PCDHGA2: variants seen among roughly 807,000 people sequenced by gnomAD.
PCDHGA2 encodes the protein protocadherin gamma-A2.
In PCDHGA2, 40 loss-of-function variants were observed where a neutral mutation model predicts 59.2. That is an observed-to-expected ratio of 0.68 (90% CI 0.52 to 0.88). The LOEUF is 0.88. Ranked by LOEUF, PCDHGA2 falls within the 40% of genes least tolerant of loss-of-function variation. PCDHGA2 has a pLI of 0.00. For synonymous variants in PCDHGA2, 560 were observed against 526.0 expected (o/e 1.06, Z -0.89); for missense variants, 1,226 against 1,204.0 (o/e 1.02, Z -0.27).
Position 141,432,530 on chromosome 5 carries a change from G to C in PCDHGA2, c.2425-62277G>C. On this transcript the variant is annotated intron_variant, in intron 1 of 3. Transcript: ENST00000394576. This position sits in a 1 kb window ranked among gnomAD's most constrained non-coding sequence, Gnocchi z 6.0. ...AGAGCCCGGCTACCTGGTGACCAAG[G>C]TGGTGGCGGTGGACAGAGACTCCGG... 6.2e-7 allele frequency: 1 copy of C among 1,614,076 alleles called. No homozygotes were observed. Among genetic ancestry groups the C allele is most frequent in the South Asian group, 1.1e-5 (1 of 91,082 alleles).
chr5:141,434,789 T>C (rs2097718008), intron 1 of PCDHGA2, among the ~76,000 whole-genome samples: 1 of 152,008 alleles, frequency 6.6e-6, no homozygotes, highest in African/African-American at 2.4e-5. Context: ...AAAAAATTTT[T>C]TTTTCTGAGC....
chr5:141,365,789 G>A (rs200109132), intron 1 of PCDHGA2: 1 of 1,613,778 alleles, frequency 6.2e-7, no homozygotes, highest in African/African-American at 1.3e-5. Flanking sequence ...CAACGCTCGA[G>A]TCACCTACTC....
rs1382855379 is a variant in PCDHGA2 at position 141,361,380 on chromosome 5, C to T, written c.2424+19985C>T. 6 of 1,613,850 alleles carry T rather than the reference C, an allele frequency of 3.7e-6. 1 individual carries two copies. In the African/African-American group the frequency reaches 4.0e-5, roughly 11 times the overall value. ...ACGGCGCTCTGGACCGGGAGGAGAT[C>T]CCAGAATACAATCTCACCATCACAG... On this transcript the variant is annotated intron_variant, in intron 1 of 3. Transcript: ENST00000394576.
intron 1 of PCDHGA2, chr5:141,355,132 G>A: frequency 6.6e-7 from 1 of 1,519,210 alleles, no homozygotes; most frequent in Non-Finnish European, 8.8e-7. Context: ...GGACCCAGAA[G>A]ATCCTGGGGC....
chr5:141,408,855 G>T, intron 1 of PCDHGA2: 1 of 1,613,572 alleles, frequency 6.2e-7, no homozygotes, highest in Non-Finnish European at 8.5e-7. Context: ...TTGGACGGAG[G>T]GGACCCACCA....
chr5:141,509,224 T>G (rs1241668369), intron 3 of PCDHGA2, among the ~76,000 whole-genome samples: 3 of 152,176 alleles, frequency 2.0e-5, no homozygotes, highest in Non-Finnish European at 2.9e-5. Flanking sequence ...AATCCCTGGT[T>G]GATGTCCCAG....
intron 1 of PCDHGA2, chr5:141,395,410 A>G: frequency 1.2e-6 from 1 of 801,764 alleles, no homozygotes; most frequent in Non-Finnish European, 1.9e-6. Context: ...GTCATAGGTT[A>G]TTGTTTCATT....
chr5:141,356,492 C>G, intron 1 of PCDHGA2: 4 of 1,613,984 alleles, frequency 2.5e-6, no homozygotes, highest in Non-Finnish European at 3.4e-6. Flanking sequence ...GGAACTCCTC[C>G]ACTGTCTACA....
At chr5:141,414,394 A>G in intron 1 of PCDHGA2, 1 of 1,613,930 alleles carries the variant, frequency 6.2e-7, no homozygotes, top group Non-Finnish European at 8.5e-7. Flanking sequence ...CAGTTATTAC[A>G]GATTGGTGAT....
intron 1 of PCDHGA2, chr5:141,409,276 G>T: frequency 6.2e-7 from 1 of 1,614,000 alleles, no homozygotes; most frequent in Non-Finnish European, 8.5e-7. Flanking sequence ...AGATTTTGGA[G>T]AATTCACCTC....
chr5:141,379,052 T>A (rs1247302234), intron 1 of PCDHGA2: 1 of 152,238 alleles, frequency 6.6e-6, no homozygotes. Flanking sequence ...TATTATAGAA[T>A]GGATTGGCCA....
At chr5:141,482,116 T>C (rs1017195289) in intron 1 of PCDHGA2, among the ~76,000 whole-genome samples, 4 of 150,222 alleles carry the variant, frequency 2.7e-5, no homozygotes, top group South Asian at 2.1e-4. Context: ...TATCTAGAGA[T>C]GGGAGAATCA....
intron 1 of PCDHGA2, chr5:141,416,540 G>T (rs1439132249): frequency 6.6e-6 from 1 of 151,974 alleles, no homozygotes; most frequent in Non-Finnish European, 1.5e-5. Flanking sequence ...GTATAAGGAG[G>T]CAAACACCTG....
chr5:141,389,142 G>T (rs72790030), intron 1 of PCDHGA2: 5 of 1,613,968 alleles, frequency 3.1e-6, no homozygotes, highest in Non-Finnish European at 4.2e-6. Flanking sequence ...CAATATAACC[G>T]TTACGGCAAC....
intron 1 of PCDHGA2, chr5:141,373,858 G>A: frequency 2.2e-6 from 1 of 460,298 alleles, no homozygotes. Context: ...CGTCGCTGTT[G>A]ACCAACCTGG....
intron 2 of PCDHGA2, among the ~76,000 whole-genome samples, chr5:141,501,984 G>A (rs989251578): frequency 2.0e-5 from 3 of 152,042 alleles, no homozygotes; most frequent in African/African-American, 4.8e-5. Context: ...ATCTGGTCCC[G>A]TTGTCTCCCT....
intron 1 of PCDHGA2, chr5:141,351,919 C>T: frequency 1.2e-6 from 2 of 1,613,366 alleles, no homozygotes; most frequent in African/African-American, 1.3e-5. Flanking sequence ...ACCTCAATGA[C>T]AATGCGCCAC....
chr5:141,459,573 T>TTC (rs2098970689), intron 1 of PCDHGA2, among the ~76,000 whole-genome samples: 1 of 152,208 alleles, frequency 6.6e-6, no homozygotes, highest in Non-Finnish European at 1.5e-5. Context: ...CAAAACAGAA[T>TTC]TGTTTTGGGG....
chr5:141,439,965 T>C (rs1212358198), intron 1 of PCDHGA2: 1 of 152,760 alleles, frequency 6.5e-6, no homozygotes, highest in Non-Finnish European at 1.5e-5. Flanking sequence ...CGTTATTCAG[T>C]CCTAGAGGAG....
Sources: gnomAD v4.1 joint callset for allele counts (sites outside exome capture counted in the v4.1 genomes callset) on GRCh38, gnomAD v4.1.1 for gene constraint, Gnocchi (gnomAD v3.1) non-coding constraint, MANE v1.5 for transcripts, NCBI Gene and HGNC (gene_info 2026-07-23, HGNC 2026-07-21) for gene names.